AGBL4: variants seen among roughly 807,000 people sequenced by gnomAD.
AGBL4 encodes the protein AGBL carboxypeptidase 4.
AGBL4 carries 58 observed loss-of-function variants against 66.4 expected under a neutral mutation model. The ratio of observed to expected loss-of-function variants is 0.87; its 90% CI spans 0.71 to 1.09. The LOEUF is 1.09. Among genes scored for constraint, AGBL4 ranks in the 50% least tolerant of loss-of-function variants. AGBL4 has a pLI of 0.00. For missense variants in AGBL4, 579 were observed against 631.0 expected, an observed-to-expected ratio of 0.92 and a Z score of 0.88; for synonymous variants, 234 against 222.9, an observed-to-expected ratio of 1.05 and a Z score of -0.44.
intron 1 of AGBL4, among the ~76,000 whole-genome samples, chr1:49,898,479 G>A (rs548463963): frequency 6.6e-6 from 1 of 152,196 alleles, no homozygotes; most frequent in East Asian, 1.9e-4. Flanking sequence ...CACCGGCGAG[G>A]ATGTAGAGAA....
At chr1:49,375,147 C>A (rs1397770363) in intron 3 of AGBL4, among the ~76,000 whole-genome samples, 1 of 152,070 alleles carries the variant, frequency 6.6e-6, no homozygotes, top group Non-Finnish European at 1.5e-5. Context: ...CAATTCTGAA[C>A]AACTGCTTTT....
intron 9 of AGBL4, among the ~76,000 whole-genome samples, chr1:48,598,135 AAGGCC>A (rs1645023762): frequency 6.6e-6 from 1 of 152,210 alleles, no homozygotes. Context: ...CAGGGCCTTG[AAGGCC>A]AGGGTTAGAA....
intron 2 of AGBL4, among the ~76,000 whole-genome samples, chr1:49,829,573 C>T (rs996360931): frequency 1.3e-5 from 2 of 152,086 alleles, no homozygotes; most frequent in African/African-American, 4.8e-5. Context: ...AGTGACATTT[C>T]CATTTTTACT....
chr1:49,619,999 ACCTAAAACCATAAAAAC>A (rs1645327230), intron 3 of AGBL4, among the ~76,000 whole-genome samples: 1 of 152,208 alleles, frequency 6.6e-6, no homozygotes, highest in East Asian at 1.9e-4. Context: ...TAAACCTAAG[ACCTAAAACCATAAAAAC>A]CCTAGAAGAA....
At chr1:49,067,807 G>A (rs113045616) in intron 4 of AGBL4, among the ~76,000 whole-genome samples, 1,858 of 152,108 alleles carry the variant, frequency 0.012, 36 homozygotes, top group African/African-American at 0.043. Context: ...TGCACAATGT[G>A]CAGTTTTGTT....
chr1:49,405,975 A>C (rs982747076), intron 3 of AGBL4, among the ~76,000 whole-genome samples: 3 of 152,326 alleles, frequency 2.0e-5, no homozygotes, highest in African/African-American at 2.4e-5. Flanking sequence ...ATGTTAAGCA[A>C]AGCCATTAGC....
At chr1:49,315,601 A>G (rs962047936) in intron 3 of AGBL4, among the ~76,000 whole-genome samples, 1 of 152,230 alleles carries the variant, frequency 6.6e-6, no homozygotes, top group Non-Finnish European at 1.5e-5. Flanking sequence ...GACATTTCTC[A>G]AAAGAAGACA....
At chr1:48,859,423 G>T (rs911896449) in intron 6 of AGBL4, among the ~76,000 whole-genome samples, 1 of 152,164 alleles carries the variant, frequency 6.6e-6, no homozygotes, top group Non-Finnish European at 1.5e-5. Flanking sequence ...TTAAGTCCCA[G>T]TTGCCCTCTG....
downstream of AGBL4, among the ~76,000 whole-genome samples, chr1:48,531,309 C>CTA (rs1047252338): frequency 3.3e-5 from 5 of 152,044 alleles, no homozygotes; most frequent in African/African-American, 1.2e-4. Context: ...TAAGTACTAA[C>CTA]TATACTGTAC....
At chr1:49,634,141 C>T (rs1341286689) in intron 3 of AGBL4, among the ~76,000 whole-genome samples, 3 of 151,676 alleles carry the variant, frequency 2.0e-5, no homozygotes, top group Non-Finnish European at 2.9e-5. Context: ...GGTATACAGG[C>T]GCCATGGTGG....
chr1:49,068,108 G>C (rs1177941624), intron 4 of AGBL4, among the ~76,000 whole-genome samples: 1 of 152,118 alleles, frequency 6.6e-6, no homozygotes, highest in Non-Finnish European at 1.5e-5. Context: ...TTGTAGGCAG[G>C]GCGCTCAGGA....
At chr1:49,749,551 C>A (rs1377073634) in intron 2 of AGBL4, among the ~76,000 whole-genome samples, 1 of 151,994 alleles carries the variant, frequency 6.6e-6, no homozygotes, top group African/African-American at 2.4e-5. Flanking sequence ...ATAAATTTAG[C>A]AAAGTCACAG....
chr1:49,228,685 T>C (rs142741821), intron 4 of AGBL4, among the ~76,000 whole-genome samples: 16 of 152,266 alleles, frequency 1.1e-4, no homozygotes, highest in Non-Finnish European at 2.1e-4. Context: ...TGTGCAGTGA[T>C]GTGACTTGTG....
intron 3 of AGBL4, among the ~76,000 whole-genome samples, chr1:49,293,679 T>C (rs992323561): frequency 2.0e-5 from 3 of 152,142 alleles, no homozygotes; most frequent in African/African-American, 7.2e-5. Flanking sequence ...AATTTTATAA[T>C]ATCTCCTTAA....
intron 2 of AGBL4, among the ~76,000 whole-genome samples, chr1:49,710,549 G>T (rs949718813): frequency 6.6e-6 from 1 of 151,742 alleles, no homozygotes; most frequent in Admixed American, 6.6e-5. Flanking sequence ...TAATAAACCT[G>T]CACGTTCTGC....
intron 5 of AGBL4, among the ~76,000 whole-genome samples, chr1:48,882,800 C>T (rs761414273): frequency 2.0e-5 from 3 of 152,162 alleles, no homozygotes; most frequent in Non-Finnish European, 2.9e-5. Context: ...CTGGCAACTA[C>T]TGTTCTGCTC....
intron 3 of AGBL4, among the ~76,000 whole-genome samples, chr1:49,411,440 C>T (rs998283550): frequency 6.6e-6 from 1 of 152,164 alleles, no homozygotes; most frequent in African/African-American, 2.4e-5. Flanking sequence ...CTGGCAACAC[C>T]CTCATAGACA....
chr1:48,793,883 G>A (rs979245387), intron 6 of AGBL4, among the ~76,000 whole-genome samples: 6 of 152,058 alleles, frequency 3.9e-5, no homozygotes, highest in Admixed American at 3.9e-4. Context: ...CTCAAGAGTG[G>A]GCCAGGCACA....
chr1:49,173,319 TTTACTGATTGGAA>T (rs1386075366), intron 4 of AGBL4, among the ~76,000 whole-genome samples: 1 of 152,224 alleles, frequency 6.6e-6, no homozygotes, highest in Non-Finnish European at 1.5e-5. Context: ...ATGCCATTAT[TTTACTGATTGGAA>T]TACAGCTCAA....
Sources: gnomAD v4.1 joint callset for allele counts (sites outside exome capture counted in the v4.1 genomes callset) on GRCh38, gnomAD v4.1.1 for gene constraint, MANE v1.5 for transcripts, NCBI Gene and HGNC (gene_info 2026-07-23, HGNC 2026-07-21) for gene names.